Variants in MSI2 observed in about 807,000 individuals in gnomAD.
The protein encoded by MSI2 is musashi RNA binding protein 2.
A neutral mutation model predicts 45.6 loss-of-function variants in MSI2; 17 were observed. The observed-to-expected ratio is 0.37, with a 90% confidence interval of 0.26 to 0.56. MSI2 has a LOEUF of 0.56. Among genes scored for constraint, MSI2 ranks in the 20% least tolerant of loss-of-function variants. The pLI, the probability that MSI2 is intolerant of heterozygous loss-of-function variation, is 0.77. For synonymous variants in MSI2, 156 were observed against 158.2 expected, an observed-to-expected ratio of 0.99 and a Z score of 0.11; for missense variants, 293 against 444.2, an observed-to-expected ratio of 0.66 and a Z score of 3.06.
At chr17:57,317,506 C>CTTTTTTTTTTT (rs921448429) in intron 5 of MSI2, among the ~76,000 whole-genome samples, 1 of 94,576 alleles carries the variant, frequency 1.1e-5, no homozygotes, top group Non-Finnish European at 2.0e-5. Flanking sequence ...TATAGTTTTG[C>CTTTTTTTTTTT]TTTTTTTTTT....
intron 7 of MSI2, among the ~76,000 whole-genome samples, chr17:57,539,252 G>A (rs575418093): frequency 6.8e-6 from 1 of 146,772 alleles, no homozygotes; most frequent in African/African-American, 2.5e-5. Flanking sequence ...GCGCAATCTT[G>A]GCTCGCTGCA....
chr17:57,436,150 C>G (rs1377605166), intron 6 of MSI2, among the ~76,000 whole-genome samples: 1 of 152,206 alleles, frequency 6.6e-6, no homozygotes, highest in Non-Finnish European at 1.5e-5. Context: ...TGGTTCCGAG[C>G]TTTGGAATGA....
chr17:57,310,006 T>A (rs973913505), intron 5 of MSI2, among the ~76,000 whole-genome samples: 1 of 152,166 alleles, frequency 6.6e-6, no homozygotes, highest in Non-Finnish European at 1.5e-5. Flanking sequence ...GGGTTTGGGC[T>A]TTGATGAGTC....
At chr17:57,542,242 G>T (rs1243027232) in intron 7 of MSI2, among the ~76,000 whole-genome samples, 2 of 152,208 alleles carry the variant, frequency 1.3e-5, no homozygotes, top group Non-Finnish European at 2.9e-5. Flanking sequence ...GGTCATAAAT[G>T]TGTTTCAACA....
rs534413868 is a variant in MSI2, at chr17:57,517,059, A to T, written c.406-12617A>T. The stretch of plus-strand genomic sequence containing the variant: ...GCACTTGAAGTTTGTTCTCAGCAGC[A>T]TTTTCTTAGCCATTATTTGAAGACA... On this transcript the variant is annotated intron_variant, in intron 6 of 13. Coordinates refer to ENST00000284073, the MANE Select transcript of MSI2 (RefSeq NM_138962.4). 2.6e-5 allele frequency among the ~76,000 whole-genome samples: 4 copies of T among 152,330 alleles called. No individual in the cohort carries two copies. The South Asian group carries it at 6.2e-4, about 24-fold the overall frequency.
intron 6 of MSI2, among the ~76,000 whole-genome samples, chr17:57,511,874 C>G (rs2086363473): frequency 6.6e-6 from 1 of 152,226 alleles, no homozygotes; most frequent in Non-Finnish European, 1.5e-5. Flanking sequence ...CAGGCCCACA[C>G]AGACAGCTGT....
At chr17:57,368,531 G>T (rs1484307774) in intron 5 of MSI2, among the ~76,000 whole-genome samples, 1 of 152,070 alleles carries the variant, frequency 6.6e-6, no homozygotes, top group Non-Finnish European at 1.5e-5. Context: ...CTCCCACCTG[G>T]GTGACGGAGT....
At chr17:57,653,505 C>T (rs1052776388) in intron 11 of MSI2, among the ~76,000 whole-genome samples, 4 of 152,126 alleles carry the variant, frequency 2.6e-5, no homozygotes, top group Non-Finnish European at 4.4e-5. Flanking sequence ...GCCCCGGGGG[C>T]GGGGTGCACA....
chr17:57,391,511 T>C (rs2083790075), intron 5 of MSI2, among the ~76,000 whole-genome samples: 1 of 152,196 alleles, frequency 6.6e-6, no homozygotes, highest in African/African-American at 2.4e-5. Context: ...ATCATTTCTG[T>C]AGGCAGAATG....
chr17:57,380,919 A>G (rs1012938805), intron 5 of MSI2, among the ~76,000 whole-genome samples: 14 of 151,890 alleles, frequency 9.2e-5, no homozygotes, highest in African/African-American at 2.9e-4. Context: ...TCCCCCATCC[A>G]GGTTCTCAGG....
intron 5 of MSI2, chr17:57,266,994 A>C (rs1472938646): frequency 6.6e-6 from 1 of 152,340 alleles, no homozygotes; most frequent in East Asian, 1.9e-4. Flanking sequence ...TGGCAGCCCG[A>C]GCGTGTACAC....
intron 5 of MSI2, among the ~76,000 whole-genome samples, chr17:57,337,371 G>A (rs1308752587): frequency 1.3e-5 from 2 of 152,134 alleles, no homozygotes; most frequent in Non-Finnish European, 2.9e-5. Context: ...TACTTCCACT[G>A]TCTGATGGCA....
chr17:57,398,576 G>T (rs1200586339), intron 5 of MSI2, among the ~76,000 whole-genome samples: 5 of 152,058 alleles, frequency 3.3e-5, no homozygotes, highest in African/African-American at 1.2e-4. Flanking sequence ...GTGTCTTTTC[G>T]CTGCGTGTTT....
chr17:57,574,774 G>GGACA (rs976033625), intron 7 of MSI2, among the ~76,000 whole-genome samples: 3 of 151,990 alleles, frequency 2.0e-5, no homozygotes, highest in Non-Finnish European at 4.4e-5. Context: ...GAGATGAGCA[G>GGACA]GACAGATGGC....
At chr17:57,698,660 A>G in the MSI2 span, among the ~76,000 whole-genome samples, 1 of 152,028 alleles carries the variant, frequency 6.6e-6, no homozygotes, top group Non-Finnish European at 1.5e-5. Context: ...CTGCCCTCTT[A>G]CATGCTCTCT....
At chr17:57,323,615 G>A (rs1463081694) in intron 5 of MSI2, among the ~76,000 whole-genome samples, 6 of 152,358 alleles carry the variant, frequency 3.9e-5, no homozygotes, top group East Asian at 1.9e-4. Context: ...CCTGTGCTGC[G>A]CTGCCAAGCT....
At chr17:57,606,806 A>AGCATC (rs1373296962) in intron 8 of MSI2, among the ~76,000 whole-genome samples, 3 of 151,844 alleles carry the variant, frequency 2.0e-5, no homozygotes, top group Non-Finnish European at 2.9e-5. Context: ...TGTGGAAGCT[A>AGCATC]GCATCGGGAA....
At chr17:57,347,769 C>T (rs368335007) in intron 5 of MSI2, among the ~76,000 whole-genome samples, 1 of 152,148 alleles carries the variant, frequency 6.6e-6, no homozygotes, top group African/African-American at 2.4e-5. Context: ...TGGCTGGAGT[C>T]GATGATGTTA....
rs117857970 is a variant in MSI2, at chr17:57,346,135, A to G, written c.313-55244A>G. Among the ~76,000 whole-genome samples the G allele has an allele frequency of 1.1e-4, 17 of 152,314 alleles. No homozygotes were observed. In the East Asian group the frequency reaches 2.5e-3, roughly 22 times the overall value. ...CTACATGTATTATTATTTACTTAAT[A>G]CTTTTCTTTTTGTTGATTTATTTTA... On this transcript the variant is annotated intron_variant, in intron 5 of 13. Transcript: ENST00000284073.
Sources: allele counts gnomAD v4.1 joint callset (sites outside exome capture counted in the v4.1 genomes callset), GRCh38; gene constraint gnomAD v4.1.1; transcripts MANE v1.5; gene names NCBI Gene and HGNC (gene_info 2026-07-23, HGNC 2026-07-21).